The following DDX10 variants were observed in gnomAD, a reference collection of about 807,000 sequenced individuals.
DDX10 encodes probable ATP-dependent RNA helicase DDX10.
In DDX10, 74 loss-of-function variants were observed where a neutral mutation model predicts 104.3. The observed-to-expected ratio is 0.71, with a 90% CI of 0.59 to 0.86. The LOEUF is 0.86. DDX10 is among the 40% of genes least tolerant of loss of function. The pLI is 0.00. For synonymous variants in DDX10, 351 were observed against 353.4 expected (o/e 0.99, Z 0.08); for missense variants, 952 against 1,040.0 (o/e 0.92, Z 1.16).
Position 108,723,234 on chromosome 11 carries a change from TGAA to T in DDX10, c.1741_1743del (p.Glu581del). 6.2e-7 allele frequency: 1 copy of T among 1,613,440 alleles called. No individual in the cohort carries two copies. The highest frequency in any genetic ancestry group is 1.1e-5 in the South Asian group (1 of 91,022). On this transcript the variant is annotated inframe_deletion, in exon 13 of 18. Coordinates refer to ENST00000322536, the MANE Select transcript of DDX10 (RefSeq NM_004398.4). ...ACAGACAGGATAATGATACTGGTAA[TGAA>T]GAACAGGAAGAAGAAGAAGACGATG...
At chr11:108,816,360 G>A (rs2134572885) in intron 13 of DDX10, among the ~76,000 whole-genome samples, 1 of 152,012 alleles carries the variant, frequency 6.6e-6, no homozygotes, top group African/African-American at 2.4e-5. Context: ...ATATCTCTTG[G>A]ATATTTAATA....
At chr11:108,824,763 T>C (rs1862373369) in intron 13 of DDX10, among the ~76,000 whole-genome samples, 1 of 152,182 alleles carries the variant, frequency 6.6e-6, no homozygotes, top group African/African-American at 2.4e-5. Flanking sequence ...AGGAAATAAC[T>C]GAGATTTTTG....
intron 13 of DDX10, among the ~76,000 whole-genome samples, chr11:108,734,962 A>G (rs1307126149): frequency 6.6e-6 from 1 of 152,208 alleles, no homozygotes; most frequent in East Asian, 1.9e-4. Flanking sequence ...TTAAGTCTCT[A>G]AGCAGTGTGT....
At chr11:108,890,765 A>G (rs1863365420) in intron 16 of DDX10, among the ~76,000 whole-genome samples, 1 of 152,182 alleles carries the variant, frequency 6.6e-6, no homozygotes, top group South Asian at 2.1e-4. Context: ...TAATAAAATA[A>G]TGGGTAAATA....
In DDX10 at chr11:108,675,577, C is replaced by G; in HGVS notation, c.248-19C>G. On this transcript the variant is annotated intron_variant, in intron 2 of 17. Coordinates refer to ENST00000322536, the MANE Select transcript of DDX10 (RefSeq NM_004398.4). ...TACAGGGATCTTCTAAAGTATAATT[C>G]TTCCCTCCATGTTGCCAGGTTTGCA... The G allele has an allele frequency of 6.2e-7, 1 of 1,611,350 alleles. No individual in the cohort carries two copies.
chr11:108,855,517 T>C (rs1591836247), intron 16 of DDX10, among the ~76,000 whole-genome samples: 1 of 152,204 alleles, frequency 6.6e-6, no homozygotes, highest in Admixed American at 6.5e-5. Flanking sequence ...TGGAGTGCAG[T>C]GACGCGATCT....
chr11:108,884,323 A>T (rs1351210817), intron 16 of DDX10, among the ~76,000 whole-genome samples: 2 of 152,128 alleles, frequency 1.3e-5, no homozygotes, highest in African/African-American at 4.8e-5. Flanking sequence ...GCACATGGCT[A>T]CCTCTGGGCC....
At chr11:108,846,524 A>G (rs560510390) in intron 15 of DDX10, among the ~76,000 whole-genome samples, 19 of 152,178 alleles carry the variant, frequency 1.2e-4, no homozygotes, top group Non-Finnish European at 2.8e-4. Flanking sequence ...TCCACAGATA[A>G]GTGAGATTGT....
chr11:108,795,923 C>A (rs1211958702), intron 13 of DDX10, among the ~76,000 whole-genome samples: 1 of 152,184 alleles, frequency 6.6e-6, no homozygotes, highest in Non-Finnish European at 1.5e-5. Context: ...TCCACACTGT[C>A]TTCCACAATG....
At chr11:108,748,634 A>C (rs1412019746) in intron 13 of DDX10, among the ~76,000 whole-genome samples, 5 of 152,178 alleles carry the variant, frequency 3.3e-5, no homozygotes, top group Non-Finnish European at 1.5e-5. Flanking sequence ...GTCTGAAGAT[A>C]GTGTTCTTGC....
chr11:108,703,627 C>CT (rs1272608112), intron 9 of DDX10, among the ~76,000 whole-genome samples: 4 of 152,126 alleles, frequency 2.6e-5, no homozygotes, highest in Non-Finnish European at 5.9e-5. Flanking sequence ...CGCGCTTGGC[C>CT]TAAAGTGTAG....
At chr11:108,926,680 A>G (rs1000053000) in intron 17 of DDX10, among the ~76,000 whole-genome samples, 1 of 152,226 alleles carries the variant, frequency 6.6e-6, no homozygotes, top group Admixed American at 6.5e-5. Flanking sequence ...GACAGGAGAA[A>G]GCTGAGCACA....
intron 7 of DDX10, 22 bp from the exon 8 acceptor site, chr11:108,691,852 CTT>C (rs2094253033): frequency 1.2e-6 from 2 of 1,602,424 alleles, no homozygotes; most frequent in African/African-American, 2.7e-5. Flanking sequence ...CATAAGCAAA[CTT>C]ATTCTTCTGT....
intron 13 of DDX10, among the ~76,000 whole-genome samples, chr11:108,782,360 G>C (rs986628036): frequency 6.6e-6 from 1 of 152,022 alleles, no homozygotes; most frequent in African/African-American, 2.4e-5. Flanking sequence ...TCTGGGTATG[G>C]TTAGAATCCC....
intron 13 of DDX10, among the ~76,000 whole-genome samples, chr11:108,816,352 A>G (rs540164267): frequency 6.6e-6 from 1 of 152,290 alleles, no homozygotes; most frequent in East Asian, 1.9e-4. Flanking sequence ...GTTGTTTAAT[A>G]TCTCTTGGAT....
At chr11:108,730,849 G>GTTTTTT (rs66875438) in intron 13 of DDX10, among the ~76,000 whole-genome samples, 1 of 148,714 alleles carries the variant, frequency 6.7e-6, no homozygotes. Flanking sequence ...GTACCTGCAT[G>GTTTTTT]TTTTTTTTTT....
rs116872235 is a variant in DDX10 at position 108,717,603 on chromosome 11, C to T, written c.1410+1637C>T. On this transcript the variant is annotated intron_variant, in intron 11 of 17. Coordinates refer to ENST00000322536, the MANE Select transcript of DDX10 (RefSeq NM_004398.4). ...CTGGTATTACAAGCGTGAACCACCA[C>T]GCCCAGCCAGAAGTAAGTTTTATAT... Among the ~76,000 whole-genome samples, 241 of 152,306 alleles carry T rather than the reference C, an allele frequency of 1.6e-3. 3 individuals carry two copies. In the East Asian group the frequency reaches 0.04, roughly 25 times the overall value.
At chr11:108,817,101 G>A (rs1862266009) in intron 13 of DDX10, among the ~76,000 whole-genome samples, 1 of 152,102 alleles carries the variant, frequency 6.6e-6, no homozygotes. Flanking sequence ...TGGCAAAATT[G>A]GTTTTGTTAT....
At chr11:108,771,539 G>T (rs1456480674) in intron 13 of DDX10, among the ~76,000 whole-genome samples, 1 of 151,940 alleles carries the variant, frequency 6.6e-6, no homozygotes, top group African/African-American at 2.4e-5. Context: ...TAGAGACAGG[G>T]TTTCACTGTG....
Sources: allele counts gnomAD v4.1 joint callset (sites outside exome capture counted in the v4.1 genomes callset), GRCh38; gene constraint gnomAD v4.1.1; transcripts MANE v1.5; gene names NCBI Gene and HGNC (gene_info 2026-07-23, HGNC 2026-07-21).